NAPB: variants seen among roughly 807,000 people sequenced by gnomAD.
The protein encoded by NAPB is beta-soluble NSF attachment protein.
A neutral mutation model predicts 44.7 loss-of-function variants in NAPB; 26 were observed. The ratio of observed to expected loss-of-function variants is 0.58; its 90% CI spans 0.43 to 0.81. The LOEUF (loss-of-function observed/expected upper bound fraction) is 0.81. NAPB is among the 30% of genes least tolerant of loss of function. NAPB has a pLI of 0.00. For missense variants in NAPB, 315 were observed against 356.4 expected (o/e 0.88, Z 0.94); for synonymous variants, 120 against 116.8 (o/e 1.03, Z -0.18).
At chr20:23,379,816 G>C in intron 9 of NAPB, 51 bp downstream of exon 9, 9 of 1,361,224 alleles carry the variant, frequency 6.6e-6, no homozygotes, top group Non-Finnish European at 9.4e-6. Context: ...CTTAGGTGTT[G>C]TCACCTAACA....
At chr20:23,411,830 A>C (rs1985676114) in intron 1 of NAPB, among the ~76,000 whole-genome samples, 2 of 152,214 alleles carry the variant, frequency 1.3e-5, no homozygotes, top group Non-Finnish European at 2.9e-5. Flanking sequence ...TAAATAAAAA[A>C]AGAGACATGA....
chr20:23,379,246 G>A, intron 10 of NAPB, 199 bp downstream of exon 10: 1 of 470,582 alleles, frequency 2.1e-6, no homozygotes, highest in Non-Finnish European at 3.7e-6. Context: ...TTAGTTTTGA[G>A]TGTAAGTCGA....
At chr20:23,385,140 A>C (rs1156854417) in intron 7 of NAPB, among the ~76,000 whole-genome samples, 1 of 152,034 alleles carries the variant, frequency 6.6e-6, no homozygotes, top group African/African-American at 2.4e-5. Flanking sequence ...ACAAAAAAAA[A>C]CAAGATCCAA....
intron 1 of NAPB, among the ~76,000 whole-genome samples, chr20:23,417,084 T>C (rs1986054321): frequency 1.8e-5 from 1 of 55,344 alleles, no homozygotes; most frequent in Non-Finnish European, 3.4e-5. Context: ...ACTGGCATTC[T>C]TTTTTTTTTT....
At chr20:23,415,452 G>A (rs1043838038) in intron 1 of NAPB, among the ~76,000 whole-genome samples, 3 of 151,944 alleles carry the variant, frequency 2.0e-5, no homozygotes, top group African/African-American at 4.8e-5. Context: ...AAATTAGCTG[G>A]GTGTGGTGGC....
At chr20:23,408,442 A>G (rs1353961537) in intron 1 of NAPB, among the ~76,000 whole-genome samples, 1 of 152,234 alleles carries the variant, frequency 6.6e-6, no homozygotes, top group Non-Finnish European at 1.5e-5. Context: ...AATAATAAGC[A>G]AATGTAGAAA....
chr20:23,392,830 T>C (rs941502160), intron 5 of NAPB, among the ~76,000 whole-genome samples: 3 of 151,990 alleles, frequency 2.0e-5, no homozygotes, highest in African/African-American at 7.2e-5. Flanking sequence ...GCCTTTTTTT[T>C]TTCAAGAGAA....
intron 2 of NAPB, among the ~76,000 whole-genome samples, chr20:23,400,548 A>G (rs190770946): frequency 2.0e-5 from 3 of 152,272 alleles, no homozygotes; most frequent in African/African-American, 7.2e-5. Flanking sequence ...AACTGTCTTT[A>G]AAGGATCATA....
intron 1 of NAPB, among the ~76,000 whole-genome samples, chr20:23,414,671 C>T (rs1568623436): frequency 6.6e-6 from 1 of 152,208 alleles, no homozygotes; most frequent in Non-Finnish European, 1.5e-5. Flanking sequence ...CATTCTGAAA[C>T]TCTACTTCCA....
Position 23,390,204 on chromosome 20 carries a change from C to A in NAPB, c.476+5G>T. The A allele has an allele frequency of 6.2e-7, 1 of 1,605,192 alleles. No homozygotes were observed. Among genetic ancestry groups the A allele is most frequent in the East Asian group, 2.2e-5 (1 of 44,806 alleles). On this transcript the variant is annotated splice_donor_5th_base_variant and intron_variant, in intron 6 of 10. Transcript: ENST00000377026. Reference sequence around the variant, plus strand: ...TTAAATCATATTAAGAAAAGTAATACTTGCCTGTTGGATTCTTCTCCTTTG... The same window carrying A: ...TTAAATCATATTAAGAAAAGTAATAATTGCCTGTTGGATTCTTCTCCTTTG...
chr20:23,419,168 G>T (rs1301035413), intron 1 of NAPB, among the ~76,000 whole-genome samples: 1 of 152,066 alleles, frequency 6.6e-6, no homozygotes, highest in Non-Finnish European at 1.5e-5. Context: ...TATTGTCTCC[G>T]TTTTATACAC....
chr20:23,413,443 A>C (rs1985792369), intron 1 of NAPB, among the ~76,000 whole-genome samples: 2 of 152,172 alleles, frequency 1.3e-5, no homozygotes, highest in African/African-American at 4.8e-5. Context: ...CAATGAAAAC[A>C]GTGAATAAAC....
chr20:23,403,734 A>C (rs1985031304), intron 1 of NAPB, among the ~76,000 whole-genome samples: 1 of 152,202 alleles, frequency 6.6e-6, no homozygotes, highest in Admixed American at 6.5e-5. Context: ...GTTTTATATC[A>C]GTCTGAGTAG....
Position 23,375,331 on chromosome 20 carries a change from G to A in NAPB, c.*2045C>T, listed in dbSNP as rs1982423301. 1 of 152,114 alleles carries A rather than the reference G, an allele frequency of 6.6e-6. No individual in the cohort carries two copies. Among genetic ancestry groups the A allele is most frequent in the South Asian group, 2.1e-4 (1 of 4,836 alleles). The allele number at this position is 152,114 out of a possible 1,614,324, so 9.4% of individuals were successfully genotyped here. The stretch of plus-strand genomic sequence containing the variant: ...GACGGGTCTGTTGGAGTATAATGAT[G>A]AAAGCTAAACATAATTGCCCGAAAA... On this transcript the variant is annotated 3_prime_UTR_variant, in exon 11 of 11. Transcript: ENST00000377026.
chr20:23,398,988 G>A (rs963829519), intron 2 of NAPB, among the ~76,000 whole-genome samples: 8 of 146,740 alleles, frequency 5.5e-5, no homozygotes, highest in South Asian at 2.2e-4. Context: ...ATACCTGGCC[G>A]TAAACATCCA....
chr20:23,385,557 C>T (rs149487272), intron 7 of NAPB, among the ~76,000 whole-genome samples: 35 of 151,918 alleles, frequency 2.3e-4, no homozygotes, highest in Non-Finnish European at 3.2e-4. Context: ...GCCAGGAATT[C>T]GAGACCAGCC....
Position 23,421,381 on chromosome 20 carries a change from G to T in NAPB, c.22C>A (p.Arg8Ser). Residue 8 changes from arginine (R) to serine (S), a missense_variant, in exon 1 of 11, where the codon CGT becomes AGT. Physicochemically the swap from Arg to Ser is moderately radical, Grantham distance 110. Coordinates refer to ENST00000377026, the MANE Select transcript of NAPB (RefSeq NM_022080.3). ...TCCGCCATCAGCTGTACTGCCTCAC[G>T]CTCCTTCCCCGCGTTGTCCATGTCG... MDNAGKEREAVQLMAEAE... is the reference protein window; with the variant it reads MDNAGKESEAVQLMAEAE... 4 of 1,549,516 alleles carry T rather than the reference G, an allele frequency of 2.6e-6. No homozygotes were observed. In the South Asian group the frequency reaches 4.8e-5, roughly 18 times the overall value.
chr20:23,393,278 G>A (rs879400846), intron 5 of NAPB, among the ~76,000 whole-genome samples: 3 of 152,002 alleles, frequency 2.0e-5, no homozygotes, highest in Non-Finnish European at 2.9e-5. Flanking sequence ...TCAAGATCAG[G>A]GAGTATCCTC....
chr20:23,389,247 A>AC (rs1983765840), intron 7 of NAPB, among the ~76,000 whole-genome samples: 6 of 151,280 alleles, frequency 4.0e-5, no homozygotes, highest in Admixed American at 3.9e-4. Context: ...AAAAAAAAAA[A>AC]AAAAACCAAA....
Sources: gnomAD v4.1 joint callset for allele counts (sites outside exome capture counted in the v4.1 genomes callset) on GRCh38, gnomAD v4.1.1 for gene constraint, MANE v1.5 for transcripts, NCBI Gene and HGNC (gene_info 2026-07-23, HGNC 2026-07-21) for gene names.